BUB1B: variants seen among roughly 807,000 people sequenced by gnomAD.
BUB1B encodes the protein BUB1 mitotic checkpoint serine/threonine kinase B.
In BUB1B, 86 loss-of-function variants were observed where a neutral mutation model predicts 137.7. That is an observed-to-expected ratio of 0.62 (90% confidence interval 0.52 to 0.75). BUB1B has a LOEUF of 0.75. Ranked by LOEUF, BUB1B falls within the 30% of genes least tolerant of loss-of-function variation. The pLI is 0.00. For synonymous variants in BUB1B, 420 were observed against 417.9 expected (o/e 1.00, Z -0.06); for missense variants, 1,130 against 1,236.9 (o/e 0.91, Z 1.30).
In BUB1B at chr15:40,199,441, T is replaced by C. The variant is rs555470304; in HGVS notation, c.1289-174T>C. Among the ~76,000 whole-genome samples the C allele has an allele frequency of 3.3e-5, 5 of 152,370 alleles. No homozygotes were observed. In the East Asian group the frequency reaches 9.6e-4, roughly 29 times the overall value. ...GTTGTTCAAAGGTATTCTATTTTTT[T>C]ATTGAATGGATAAAGAATAGAGGCC... On this transcript the variant is annotated intron_variant, in intron 9 of 22. Transcript: ENST00000287598.
At chr15:40,162,971 G>GA (rs369233084) in intron 1 of BUB1B, among the ~76,000 whole-genome samples, 2 of 151,982 alleles carry the variant, frequency 1.3e-5, no homozygotes, top group Admixed American at 6.6e-5. Flanking sequence ...ATGTTGATGA[G>GA]AAAAAAAATC....
chr15:40,195,772 G>A (rs538019012), intron 8 of BUB1B, among the ~76,000 whole-genome samples: 3 of 152,102 alleles, frequency 2.0e-5, no homozygotes, highest in South Asian at 4.1e-4. Flanking sequence ...TTGGCCATTT[G>A]TTTATCTTTT....
intron 19 of BUB1B, 132 bp from the exon 20 acceptor site, chr15:40,213,200 T>G: frequency 1.1e-6 from 1 of 875,700 alleles, no homozygotes; most frequent in Non-Finnish European, 1.8e-6. Flanking sequence ...GGACATAGAC[T>G]CAGTCTACAG....
intron 2 of BUB1B, among the ~76,000 whole-genome samples, chr15:40,165,595 TA>T (rs2037086639): frequency 6.6e-6 from 1 of 152,232 alleles, no homozygotes; most frequent in African/African-American, 2.4e-5. Context: ...CAATTGAATT[TA>T]TACCAGAAAG....
intron 5 of BUB1B, among the ~76,000 whole-genome samples, chr15:40,183,141 C>T (rs1214266682): frequency 6.6e-6 from 1 of 152,132 alleles, no homozygotes. Context: ...AATGGAGAAT[C>T]TCTTCTGATA....
At chr15:40,161,609 C>T (rs1031722286) in intron 1 of BUB1B, among the ~76,000 whole-genome samples, 1 of 152,204 alleles carries the variant, frequency 6.6e-6, no homozygotes, top group Admixed American at 6.5e-5. Flanking sequence ...GTTAATGCTG[C>T]CTTACGTGGT....
At chr15:40,193,709 C>A (rs969977750) in intron 8 of BUB1B, among the ~76,000 whole-genome samples, 1 of 151,978 alleles carries the variant, frequency 6.6e-6, no homozygotes, top group African/African-American at 2.4e-5. Flanking sequence ...AGTTCGCCAA[C>A]ATGGCAAAAC....
At chr15:40,165,730 AAG>A (rs1210612160) in intron 2 of BUB1B, among the ~76,000 whole-genome samples, 1 of 152,260 alleles carries the variant, frequency 6.6e-6, no homozygotes, top group East Asian at 1.9e-4. Context: ...TTTAAAAAAA[AAG>A]GTAAATCAGA....
chr15:40,220,688 CAA>C lies in BUB1B; in HGVS notation c.3084_3085del (p.His1030ProfsTer13). On this transcript the variant is annotated frameshift_variant, in exon 23 of 23. Transcript: ENST00000287598. LOFTEE classifies it high-confidence loss of function. ...GAATGGGGTTTTTGACACTACATTC[CAA>C]AGTCACCTGAACAAAGCCTTATGGA... ...EMNGVFDTTF[Q>X]SHLNKALWKV... The C allele has an allele frequency of 6.2e-7, 1 of 1,614,142 alleles. No homozygotes were observed. Among genetic ancestry groups the C allele is most frequent in the Non-Finnish European group, 8.5e-7 (1 of 1,180,028 alleles).
chr15:40,202,916 T>C (rs979005341), intron 14 of BUB1B, among the ~76,000 whole-genome samples: 6 of 152,214 alleles, frequency 3.9e-5, no homozygotes, highest in Non-Finnish European at 7.3e-5. Flanking sequence ...CAGTAACAAG[T>C]GTTGGCAAAA....
At position 40,202,388 on chromosome 15, in the gene BUB1B, A is replaced by T; in HGVS notation, c.1568-17A>T. The stretch of plus-strand genomic sequence containing the variant: ...GCATTTACTCCTAGAGTATGTATCT[A>T]GTCTCTCTTTCTCTAGGTCCCAGTG... On this transcript the variant is annotated splice_polypyrimidine_tract_variant and intron_variant, in intron 12 of 22. Transcript: ENST00000287598. The T allele has an allele frequency of 5.8e-4, 690 of 1,197,354 alleles. No individual in the cohort carries two copies. Among genetic ancestry groups the T allele is most frequent in the Non-Finnish European group, 7.9e-4 (638 of 808,196 alleles). 74.2% of individuals were successfully genotyped at this position (1,197,354 alleles called of 1,614,324 possible).
chr15:40,193,792 G>A (rs944343428), intron 8 of BUB1B, among the ~76,000 whole-genome samples: 16 of 152,038 alleles, frequency 1.1e-4, no homozygotes, highest in Admixed American at 2.6e-4. Flanking sequence ...TACTCGGGAG[G>A]CGGAGGCAGG....
chr15:40,219,454 G>A (rs1000826392), intron 22 of BUB1B, among the ~76,000 whole-genome samples: 1 of 151,678 alleles, frequency 6.6e-6, no homozygotes, highest in East Asian at 2.0e-4. Context: ...GGGCATGGTG[G>A]CTCACACCTG....
chr15:40,220,796 G>A lies in BUB1B; in HGVS notation c.*37G>A, dbSNP rs1242421224. 6.3e-7 allele frequency: 1 copy of A among 1,589,766 alleles called. No individual in the cohort carries two copies. Among genetic ancestry groups the A allele is most frequent in the South Asian group, 1.1e-5 (1 of 90,594 alleles). ...AAGTCTCACAGATTGCTGCCTCAGA[G>A]CAATGGTTGTATTGTGGAACACTGA... On this transcript the variant is annotated 3_prime_UTR_variant, in exon 23 of 23. Transcript: ENST00000287598.
At chr15:40,190,242 A>G (rs1369232757) in intron 8 of BUB1B, among the ~76,000 whole-genome samples, 1 of 152,208 alleles carries the variant, frequency 6.6e-6, no homozygotes, top group Non-Finnish European at 1.5e-5. Context: ...CTGATAGAAG[A>G]TTCATTCTTA....
chr15:40,199,543 G>A, intron 9 of BUB1B, 72 bp from the exon 10 acceptor site: 1 of 1,139,866 alleles, frequency 8.8e-7, no homozygotes, highest in South Asian at 1.3e-5. Context: ...GAGGAGATGA[G>A]CTCCAAAGGC....
rs1326569646 is a variant in BUB1B, at chr15:40,185,766, C to T, written c.1058+124C>T. ...AAAGTAACCAGGCCAGGCGCAGTAG[C>T]TCACACCTGTAATCCCAGCACAGGC... On this transcript the variant is annotated intron_variant, in intron 8 of 22. Coordinates refer to ENST00000287598, the MANE Select transcript of BUB1B (RefSeq NM_001211.6). 3.5e-5 allele frequency: 31 copies of T among 889,436 alleles called. No homozygotes were observed. In the Admixed American group the frequency reaches 5.1e-4, roughly 15 times the overall value. The allele number at this position is 889,436 out of a possible 1,614,324, so 55.1% of individuals were successfully genotyped here.
intron 8 of BUB1B, among the ~76,000 whole-genome samples, chr15:40,187,406 G>A (rs2037381274): frequency 6.6e-6 from 1 of 151,990 alleles, no homozygotes; most frequent in Admixed American, 6.6e-5. Flanking sequence ...GATTACAGAT[G>A]TGAGCCACCG....
intron 8 of BUB1B, among the ~76,000 whole-genome samples, chr15:40,188,071 G>A (rs892454446): frequency 7.9e-5 from 12 of 152,142 alleles, no homozygotes; most frequent in Non-Finnish European, 8.8e-5. Context: ...TTTTTGAGAC[G>A]GAGTCTCACT....
Sources: allele counts gnomAD v4.1 joint callset (sites outside exome capture counted in the v4.1 genomes callset), GRCh38; gene constraint gnomAD v4.1.1; transcripts MANE v1.5; gene names NCBI Gene and HGNC (gene_info 2026-07-23, HGNC 2026-07-21).